TTLL5: variants seen among roughly 807,000 people sequenced by gnomAD.
TTLL5 encodes tubulin tyrosine ligase like 5, also known as tubulin polyglutamylase TTLL5.
A neutral mutation model predicts 168.4 loss-of-function variants in TTLL5; 132 were observed. That is an observed-to-expected ratio of 0.78 (90% confidence interval 0.68 to 0.91). TTLL5 has a LOEUF of 0.91. Ranked by LOEUF, TTLL5 falls within the 40% of genes least tolerant of loss-of-function variation. The pLI, the probability that TTLL5 is intolerant of heterozygous loss-of-function variation, is 0.00. For synonymous variants in TTLL5, 546 were observed against 558.6 expected (o/e 0.98, Z 0.32); for missense variants, 1,545 against 1,581.5 (o/e 0.98, Z 0.39).
intron 24 of TTLL5, among the ~76,000 whole-genome samples, chr14:75,780,769 A>T (rs985686865): frequency 6.6e-6 from 1 of 152,222 alleles, no homozygotes; most frequent in Non-Finnish European, 1.5e-5. Context: ...TGTTTAACTC[A>T]TGGTATGATT....
intron 22 of TTLL5, among the ~76,000 whole-genome samples, chr14:75,776,098 T>G (rs958712530): frequency 6.6e-6 from 1 of 152,218 alleles, no homozygotes; most frequent in African/African-American, 2.4e-5. Flanking sequence ...ATTAGAATAT[T>G]TTGCAAAGCA....
intron 31 of TTLL5, among the ~76,000 whole-genome samples, chr14:75,928,632 G>C (rs1023102365): frequency 6.6e-6 from 1 of 151,914 alleles, no homozygotes; most frequent in African/African-American, 2.4e-5. Flanking sequence ...TCCTAATGGC[G>C]TGAGGACAGA....
chr14:75,885,318 G>A (rs1377282246), intron 30 of TTLL5, among the ~76,000 whole-genome samples: 6 of 151,970 alleles, frequency 3.9e-5, no homozygotes, highest in Admixed American at 1.3e-4. Flanking sequence ...GTGAAACCCC[G>A]TCTCTACTAA....
chr14:75,859,221 T>C (rs1006442243), intron 28 of TTLL5, among the ~76,000 whole-genome samples: 1 of 152,242 alleles, frequency 6.6e-6, no homozygotes, highest in African/African-American at 2.4e-5. Context: ...CAGTATCCAT[T>C]TGATGGAACA....
At chr14:75,696,755 C>T (rs1442309979) in intron 6 of TTLL5, among the ~76,000 whole-genome samples, 2 of 152,190 alleles carry the variant, frequency 1.3e-5, no homozygotes, top group Non-Finnish European at 2.9e-5. Context: ...TAGTTTTTTA[C>T]ATACCCTCTA....
intron 30 of TTLL5, among the ~76,000 whole-genome samples, chr14:75,897,763 G>A (rs117378968): frequency 0.015 from 2,219 of 152,196 alleles, 18 homozygotes; most frequent in South Asian, 0.025. Flanking sequence ...GTGAGCCACC[G>A]CACCTGGCTT....
rs756873578 is a variant in TTLL5 at position 75,783,545 on chromosome 14, G to A, written c.2986+15G>A. ...AGCAAAGGCAGGTGAGTGAGAGAAC[G>A]AAAGACAGTCCACAATGTGAGCTCC... On this transcript the variant is annotated intron_variant, in intron 26 of 31. Transcript: ENST00000298832. 10 of 1,608,312 alleles carry A rather than the reference G, an allele frequency of 6.2e-6. No homozygotes were observed. The highest frequency in any genetic ancestry group is 2.2e-5 in the East Asian group (1 of 44,800).
At chr14:75,756,595 CCTT>C (rs1374091206) in intron 18 of TTLL5, among the ~76,000 whole-genome samples, 1 of 151,914 alleles carries the variant, frequency 6.6e-6, no homozygotes, top group East Asian at 1.9e-4. Context: ...GCAACCTCCT[CCTT>C]CTGGGTTCAA....
intron 31 of TTLL5, among the ~76,000 whole-genome samples, chr14:75,924,088 A>G (rs2033921439): frequency 6.9e-6 from 1 of 145,500 alleles, no homozygotes; most frequent in Non-Finnish European, 1.5e-5. Context: ...ATCTTCGTCC[A>G]TCCCTTTGTT....
intron 31 of TTLL5, among the ~76,000 whole-genome samples, chr14:75,918,666 C>T (rs1173557515): frequency 6.6e-6 from 1 of 152,080 alleles, no homozygotes; most frequent in African/African-American, 2.4e-5. Flanking sequence ...TATAAATTTG[C>T]TCTGAGTACA....
chr14:75,892,549 G>A (rs2032452509), intron 30 of TTLL5, among the ~76,000 whole-genome samples: 1 of 152,162 alleles, frequency 6.6e-6, no homozygotes, highest in South Asian at 2.1e-4. Context: ...GTCATAACTG[G>A]GGGAGTGCGA....
At chr14:75,942,504 A>G (rs1205016203) in intron 31 of TTLL5, among the ~76,000 whole-genome samples, 1 of 152,158 alleles carries the variant, frequency 6.6e-6, no homozygotes, top group African/African-American at 2.4e-5. Flanking sequence ...AGTATATGCA[A>G]GACAAAGTCC....
chr14:75,926,156 C>CTTTTTTTTTTTTT (rs34048806), intron 31 of TTLL5, among the ~76,000 whole-genome samples: 2 of 29,960 alleles, frequency 6.7e-5, no homozygotes, highest in African/African-American at 1.9e-4. Flanking sequence ...GCAACCCCAG[C>CTTTTTTTTTTTTT]TTTTTTTTTT....
chr14:75,680,518 G>A (rs913687497), intron 3 of TTLL5, among the ~76,000 whole-genome samples: 5 of 152,056 alleles, frequency 3.3e-5, no homozygotes, highest in African/African-American at 1.2e-4. Context: ...CATGTCTGCA[G>A]GCTGGATTTC....
intron 31 of TTLL5, among the ~76,000 whole-genome samples, chr14:75,924,636 A>G (rs1217412266): frequency 6.6e-6 from 1 of 151,910 alleles, no homozygotes; most frequent in East Asian, 1.9e-4. Flanking sequence ...AAGGCAGAAG[A>G]ATTTTTTTTG....
chr14:75,857,534 G>A (rs908433771), intron 28 of TTLL5, among the ~76,000 whole-genome samples: 1 of 151,038 alleles, frequency 6.6e-6, no homozygotes, highest in Non-Finnish European at 1.5e-5. Context: ...TCAGATTTCT[G>A]TATTAGAGAT....
At chr14:75,927,774 C>T (rs12897842) in intron 31 of TTLL5, among the ~76,000 whole-genome samples, 121,273 of 152,080 alleles carry the variant, frequency 0.8, 48,532 homozygotes, top group African/African-American at 0.85. Flanking sequence ...GTCAGGCTCC[C>T]GAGTATTTCT....
chr14:75,806,080 G>A (rs1484389654), intron 27 of TTLL5, among the ~76,000 whole-genome samples: 2 of 150,514 alleles, frequency 1.3e-5, no homozygotes, highest in East Asian at 2.0e-4. Context: ...TCAGACTGGA[G>A]TGCAGTGGTG....
chr14:75,790,893 A>G (rs1892662652), intron 26 of TTLL5, among the ~76,000 whole-genome samples: 3 of 149,892 alleles, frequency 2.0e-5, no homozygotes, highest in Admixed American at 2.0e-4. Flanking sequence ...TCAGGAGATC[A>G]AGACCATCCT....
Sources: allele counts gnomAD v4.1 joint callset (sites outside exome capture counted in the v4.1 genomes callset), GRCh38; gene constraint gnomAD v4.1.1; transcripts MANE v1.5; gene names NCBI Gene and HGNC (gene_info 2026-07-23, HGNC 2026-07-21).